Variants in PRKAR2A observed in about 807,000 individuals in gnomAD.
The protein encoded by PRKAR2A is cAMP-dependent protein kinase type II-alpha regulatory subunit.
In PRKAR2A, 29 loss-of-function variants were observed where a neutral mutation model predicts 51.9. That is an observed-to-expected ratio of 0.56 (90% CI 0.42 to 0.76). PRKAR2A has a LOEUF of 0.76. Ranked by LOEUF, PRKAR2A falls within the 30% of genes least tolerant of loss-of-function variation. The probability of loss-of-function intolerance (pLI) is 0.00; values close to 1 mark genes in which losing one functional copy is unlikely to be tolerated. For synonymous variants in PRKAR2A, 178 were observed against 186.2 expected, an observed-to-expected ratio of 0.96 and a Z score of 0.36; for missense variants, 445 against 512.1, an observed-to-expected ratio of 0.87 and a Z score of 1.26.
intron 1 of PRKAR2A, among the ~76,000 whole-genome samples, chr3:48,841,342 G>A (rs1483898720): frequency 1.3e-5 from 2 of 149,830 alleles, no homozygotes; most frequent in African/African-American, 4.9e-5. Context: ...TCAGGAGTTT[G>A]AGACCAGCCT....
chr3:48,770,877 G>C (rs1242664016), intron 6 of PRKAR2A, among the ~76,000 whole-genome samples: 1 of 152,146 alleles, frequency 6.6e-6, no homozygotes, highest in Admixed American at 6.6e-5. Context: ...TGGTTTTACA[G>C]CTCAATATAC....
chr3:48,800,331 G>A (rs1328375214), intron 2 of PRKAR2A, among the ~76,000 whole-genome samples: 6 of 150,950 alleles, frequency 4.0e-5, no homozygotes, highest in South Asian at 2.1e-4. Context: ...TGGCCAATAC[G>A]GCGAAACCCT....
intron 1 of PRKAR2A, among the ~76,000 whole-genome samples, chr3:48,827,356 A>G (rs2083085916): frequency 6.6e-6 from 1 of 151,904 alleles, no homozygotes. Flanking sequence ...AAAAAAAAAG[A>G]ACAGAATAAG....
At chr3:48,784,244 T>G (rs567970849) in intron 4 of PRKAR2A, among the ~76,000 whole-genome samples, 34 of 152,316 alleles carry the variant, frequency 2.2e-4, no homozygotes, top group African/African-American at 8.2e-4. Context: ...ACTTTCTCTT[T>G]GGAGAAATGT....
intron 6 of PRKAR2A, among the ~76,000 whole-genome samples, chr3:48,769,708 C>T (rs2082000246): frequency 6.6e-6 from 1 of 151,944 alleles, no homozygotes; most frequent in Non-Finnish European, 1.5e-5. Flanking sequence ...AACTCCTGAC[C>T]TCAGGTGATC....
At chr3:48,756,489 A>C in intron 8 of PRKAR2A, 45 bp from the exon 9 acceptor site, 2 of 1,416,322 alleles carry the variant, frequency 1.4e-6, no homozygotes, top group African/African-American at 1.4e-5. Context: ...GTAGTATTGA[A>C]GGGGAATAAA....
chr3:48,766,535 C>T (rs993519751), intron 6 of PRKAR2A, among the ~76,000 whole-genome samples: 3 of 151,948 alleles, frequency 2.0e-5, no homozygotes, highest in Admixed American at 1.3e-4. Context: ...CACTGCACTC[C>T]AGCCTGGGTG....
intron 1 of PRKAR2A, among the ~76,000 whole-genome samples, chr3:48,829,276 T>C (rs1402521223): frequency 6.6e-6 from 1 of 151,190 alleles, no homozygotes; most frequent in Non-Finnish European, 1.5e-5. Context: ...CCCAGCGCTT[T>C]GGGAGGCCCA....
At chr3:48,795,105 T>C (rs1344826675) in intron 2 of PRKAR2A, among the ~76,000 whole-genome samples, 4 of 151,584 alleles carry the variant, frequency 2.6e-5, no homozygotes, top group Non-Finnish European at 5.9e-5. Context: ...GCCTCCAGAG[T>C]AGCTGGGACT....
intron 1 of PRKAR2A, among the ~76,000 whole-genome samples, chr3:48,817,171 A>T (rs575271718): frequency 6.6e-6 from 1 of 152,064 alleles, no homozygotes; most frequent in South Asian, 2.1e-4. Flanking sequence ...TACTAAAAAT[A>T]CAAAAATTAG....
At chr3:48,843,210 A>G (rs2083407334) in intron 1 of PRKAR2A, among the ~76,000 whole-genome samples, 1 of 152,172 alleles carries the variant, frequency 6.6e-6, no homozygotes, top group Admixed American at 6.5e-5. Context: ...AGGTGTTTGT[A>G]GTATTCTCTG....
chr3:48,769,303 G>T (rs1442806884), intron 6 of PRKAR2A, among the ~76,000 whole-genome samples: 1 of 151,138 alleles, frequency 6.6e-6, no homozygotes, highest in Non-Finnish European at 1.5e-5. Flanking sequence ...GGCTACAGGC[G>T]CCTGCCACCG....
chr3:48,781,072 G>C (rs1426979025), intron 5 of PRKAR2A, among the ~76,000 whole-genome samples: 1 of 151,730 alleles, frequency 6.6e-6, no homozygotes, highest in Admixed American at 6.6e-5. Context: ...GTGGGTTCAA[G>C]TGATTCTCCT....
At chr3:48,807,761 CT>C in intron 1 of PRKAR2A, 77 bp from the exon 2 acceptor site, 2 of 1,265,044 alleles carry the variant, frequency 1.6e-6, no homozygotes, top group Admixed American at 1.8e-5. Context: ...TTGCAAAAGT[CT>C]TTTACAATAG....
At chr3:48,831,813 C>T (rs1239028829) in intron 1 of PRKAR2A, among the ~76,000 whole-genome samples, 1 of 151,980 alleles carries the variant, frequency 6.6e-6, no homozygotes, top group Non-Finnish European at 1.5e-5. Context: ...GACGGGGTTT[C>T]ACCATACTGG....
At chr3:48,760,016 T>G (rs1437024860) in intron 8 of PRKAR2A, among the ~76,000 whole-genome samples, 1 of 152,176 alleles carries the variant, frequency 6.6e-6, no homozygotes, top group Non-Finnish European at 1.5e-5. Flanking sequence ...AGCTAAATAT[T>G]CTATCAATCA....
intron 1 of PRKAR2A, among the ~76,000 whole-genome samples, chr3:48,836,554 G>A (rs1007767106): frequency 6.6e-6 from 1 of 150,440 alleles, no homozygotes; most frequent in African/African-American, 2.4e-5. Context: ...AAAATACAGG[G>A]GTAAATTTTC....
At chr3:48,838,826 T>A (rs74442595) in intron 1 of PRKAR2A, among the ~76,000 whole-genome samples, 4 of 140,684 alleles carry the variant, frequency 2.8e-5, no homozygotes, top group African/African-American at 1.1e-4. Flanking sequence ...AAAAAAAAAA[T>A]ACAAAAAATT....
intron 1 of PRKAR2A, among the ~76,000 whole-genome samples, chr3:48,823,169 G>A (rs530254359): frequency 6.6e-6 from 1 of 152,036 alleles, no homozygotes; most frequent in East Asian, 1.9e-4. Flanking sequence ...GCCTCCTGAA[G>A]TGCTGGGATT....
Sources: gnomAD v4.1 joint callset for allele counts (sites outside exome capture counted in the v4.1 genomes callset) on GRCh38, gnomAD v4.1.1 for gene constraint, MANE v1.5 for transcripts, NCBI Gene and HGNC (gene_info 2026-07-23, HGNC 2026-07-21) for gene names.